Variants in TDRD9 observed in about 807,000 individuals in gnomAD.
TDRD9 encodes ATP-dependent RNA helicase TDRD9.
In TDRD9, 124 loss-of-function variants were observed where a neutral mutation model predicts 172.6. That is an observed-to-expected ratio of 0.72 (90% CI 0.62 to 0.83). The LOEUF (loss-of-function observed/expected upper bound fraction) is 0.83, where lower values mean the gene tolerates loss of function less well. Among genes scored for constraint, TDRD9 ranks in the 40% least tolerant of loss-of-function variants. The pLI is 0.00. For missense variants in TDRD9, 1,479 were observed against 1,714.1 expected (o/e 0.86, Z 2.42); for synonymous variants, 619 against 617.1 (o/e 1.00, Z -0.05).
chr14:103,964,383 A>G (rs1312836158), intron 3 of TDRD9, among the ~76,000 whole-genome samples: 1 of 152,260 alleles, frequency 6.6e-6, no homozygotes, highest in Non-Finnish European at 1.5e-5. Context: ...CAAAATGTTA[A>G]TAGAAACTTG....
At chr14:103,988,457 A>G (rs2033753567) in intron 8 of TDRD9, among the ~76,000 whole-genome samples, 1 of 152,094 alleles carries the variant, frequency 6.6e-6, no homozygotes, top group African/African-American at 2.4e-5. Context: ...TAGGTGTGAC[A>G]CCGCGCCTGG....
chr14:104,049,717 A>T (rs1255835777), intron 35 of TDRD9, 37 bp downstream of exon 35: 1 of 1,531,890 alleles, frequency 6.5e-7, no homozygotes, highest in South Asian at 1.2e-5. Flanking sequence ...AGCAGAGGCC[A>T]CGTGGAGGAG....
intron 33 of TDRD9, 27 bp from the exon 34 acceptor site, chr14:104,042,042 A>G (rs1478481743): frequency 7.3e-7 from 1 of 1,368,256 alleles, no homozygotes; most frequent in Non-Finnish European, 1.0e-6. Context: ...GAGCCTTATG[A>G]GTGTTTATGT....
At chr14:103,939,706 T>G (rs11846971) in intron 1 of TDRD9, 6 of 113,402 alleles carry the variant, frequency 5.3e-5, no homozygotes, top group Non-Finnish European at 1.1e-4. Flanking sequence ...TTTTTTTTTG[T>G]GGTGTATATT....
intron 35 of TDRD9, 83 bp downstream of exon 35, chr14:104,049,763 A>G: frequency 8.0e-7 from 1 of 1,246,602 alleles, no homozygotes; most frequent in Non-Finnish European, 1.1e-6. Context: ...GTTCAGAGCC[A>G]GGGCTGGCCG....
intron 1 of TDRD9, among the ~76,000 whole-genome samples, chr14:103,950,635 G>C (rs2031823044): frequency 6.6e-6 from 1 of 152,138 alleles, no homozygotes; most frequent in South Asian, 2.1e-4. Flanking sequence ...AATGTTAGAG[G>C]TTCAGTCTAG....
intron 27 of TDRD9, 27 bp downstream of exon 27, chr14:104,026,163 G>T: frequency 7.0e-7 from 1 of 1,433,332 alleles, no homozygotes; most frequent in Non-Finnish European, 9.8e-7. Flanking sequence ...TCTAGGGAAT[G>T]AATGCTGCAT....
At chr14:103,930,213 T>C (rs2030288211) in intron 1 of TDRD9, among the ~76,000 whole-genome samples, 1 of 151,682 alleles carries the variant, frequency 6.6e-6, no homozygotes, top group African/African-American at 2.4e-5. Flanking sequence ...TGAGACATAG[T>C]TTCGCTCTTG....
intron 1 of TDRD9, among the ~76,000 whole-genome samples, chr14:103,938,438 A>ATTT (rs1354196439): frequency 0.016 from 649 of 41,644 alleles, 23 homozygotes; most frequent in South Asian, 0.023. Flanking sequence ...ATATATATAT[A>ATTT]TATTTTTTTT....
chr14:103,952,091 A>C (rs2031906467), intron 1 of TDRD9, among the ~76,000 whole-genome samples: 1 of 149,154 alleles, frequency 6.7e-6, no homozygotes, highest in South Asian at 2.1e-4. Context: ...TTTTTTAAAA[A>C]AAGTAGTTAA....
Position 104,004,977 on chromosome 14 carries a change from T to C in TDRD9, c.1582-297T>C, listed in dbSNP as rs574143434. 4.4e-4 allele frequency among the ~76,000 whole-genome samples: 67 copies of C among 152,152 alleles called. No homozygotes were observed. The South Asian group carries it at 0.013, about 28-fold the overall frequency. The stretch of plus-strand genomic sequence containing the variant: ...GTCTCTCCCCTTCCTTTGTCCTCCT[T>C]CTTTTTTTTCTTCTTTCCCTCTCCC... On this transcript the variant is annotated intron_variant, in intron 14 of 35. Transcript: ENST00000409874.
chr14:103,977,097 G>A (rs1042381928), intron 7 of TDRD9, among the ~76,000 whole-genome samples: 8 of 152,102 alleles, frequency 5.3e-5, no homozygotes, highest in East Asian at 1.9e-4. Context: ...TTGCATTTCC[G>A]TGACAATTGG....
intron 28 of TDRD9, among the ~76,000 whole-genome samples, chr14:104,028,940 C>G (rs1053211556): frequency 6.6e-6 from 1 of 152,166 alleles, no homozygotes; most frequent in African/African-American, 2.4e-5. Flanking sequence ...AGAGACTCTC[C>G]TTTCCCCAAT....
At chr14:104,020,125 T>G (rs1321028245) in intron 23 of TDRD9, among the ~76,000 whole-genome samples, 3 of 152,118 alleles carry the variant, frequency 2.0e-5, no homozygotes, top group Non-Finnish European at 1.5e-5. Flanking sequence ...GGTGCTGACT[T>G]TGAGACAGTC....
intron 34 of TDRD9, among the ~76,000 whole-genome samples, chr14:104,043,364 C>A (rs1379878059): frequency 1.3e-5 from 2 of 151,876 alleles, no homozygotes; most frequent in Admixed American, 6.6e-5. Flanking sequence ...GCCTCAGCAT[C>A]CAAGTAGCTG....
chr14:103,938,434 ATATATATTTTT>A (rs2030942592), intron 1 of TDRD9, among the ~76,000 whole-genome samples: 3 of 34,922 alleles, frequency 8.6e-5, no homozygotes, highest in Non-Finnish European at 1.6e-4. Flanking sequence ...ATATATATAT[ATATATATTTTT>A]TTTTTTTTTT....
intron 20 of TDRD9, 137 bp from the exon 21 acceptor site, chr14:104,014,588 G>T: frequency 1.9e-6 from 1 of 513,800 alleles, no homozygotes; most frequent in Non-Finnish European, 3.5e-6. Flanking sequence ...GCCAAAAGAT[G>T]ATTCTTAATT....
intron 5 of TDRD9, among the ~76,000 whole-genome samples, chr14:103,967,566 A>G (rs2032806709): frequency 6.6e-6 from 1 of 152,042 alleles, no homozygotes; most frequent in Non-Finnish European, 1.5e-5. Flanking sequence ...CATTTGGGCA[A>G]CTGTTTAGGG....
intron 1 of TDRD9, among the ~76,000 whole-genome samples, chr14:103,935,559 G>A (rs936636529): frequency 1.3e-5 from 2 of 152,184 alleles, no homozygotes; most frequent in Non-Finnish European, 2.9e-5. Context: ...CATGTAGGTG[G>A]TCTGGAGTTG....
Sources: allele counts gnomAD v4.1 joint callset (sites outside exome capture counted in the v4.1 genomes callset), GRCh38; gene constraint gnomAD v4.1.1; transcripts MANE v1.5; gene names NCBI Gene and HGNC (gene_info 2026-07-23, HGNC 2026-07-21).